Variants in EYS observed in about 807,000 individuals in gnomAD.
EYS encodes the protein protein eyes shut homolog.
A neutral mutation model predicts 282.1 loss-of-function variants in EYS; 250 were observed. The observed-to-expected ratio is 0.89, with a 90% confidence interval of 0.80 to 0.98. The LOEUF (loss-of-function observed/expected upper bound fraction) is 0.98. Ranked by LOEUF, EYS falls within the 50% of genes least tolerant of loss-of-function variation. The pLI, the probability that EYS is intolerant of heterozygous loss-of-function variation, is 0.00. For synonymous variants in EYS, 1,355 were observed against 1,282.9 expected (o/e 1.06, Z -1.20); for missense variants, 4,016 against 3,709.0 (o/e 1.08, Z -2.15).
At chr6:65,541,842 C>T (rs1768180197) in intron 2 of EYS, among the ~76,000 whole-genome samples, 1 of 152,008 alleles carries the variant, frequency 6.6e-6, no homozygotes, top group Non-Finnish European at 1.5e-5. Context: ...TGATGAATGC[C>T]TACAGAACAT....
chr6:64,299,447 C>A (rs1769153123), intron 30 of EYS, among the ~76,000 whole-genome samples: 3 of 152,208 alleles, frequency 2.0e-5, no homozygotes, highest in Admixed American at 2.0e-4. Flanking sequence ...CAGCCTAGGT[C>A]TGTGGGTCAG....
At chr6:64,804,755 G>T (rs1764371882) in intron 22 of EYS, among the ~76,000 whole-genome samples, 1 of 151,960 alleles carries the variant, frequency 6.6e-6, no homozygotes, top group South Asian at 2.1e-4. Flanking sequence ...ATATATCTGT[G>T]TATTTATATT....
At chr6:64,249,408 A>G (rs1250174944) in intron 30 of EYS, among the ~76,000 whole-genome samples, 1 of 152,164 alleles carries the variant, frequency 6.6e-6, no homozygotes, top group Admixed American at 6.6e-5. Flanking sequence ...GGGGTGGATG[A>G]TGAGAAATTA....
At chr6:65,110,131 A>G (rs963720277) in intron 12 of EYS, among the ~76,000 whole-genome samples, 4 of 152,176 alleles carry the variant, frequency 2.6e-5, no homozygotes, top group African/African-American at 9.7e-5. Flanking sequence ...TGTTTTGTGA[A>G]GAAGAGCCTC....
intron 22 of EYS, among the ~76,000 whole-genome samples, chr6:64,659,432 T>A (rs908550775): frequency 6.6e-6 from 1 of 151,870 alleles, no homozygotes; most frequent in Non-Finnish European, 1.5e-5. Context: ...CTTCAAAAAA[T>A]CAATGAATCC....
chr6:65,542,985 A>C (rs1768228545), intron 2 of EYS, among the ~76,000 whole-genome samples: 1 of 152,138 alleles, frequency 6.6e-6, no homozygotes, highest in Non-Finnish European at 1.5e-5. Context: ...CAATTATATA[A>C]TTAGAATGTG....
chr6:65,008,198 C>T (rs113473910), intron 13 of EYS, among the ~76,000 whole-genome samples: 1 of 152,058 alleles, frequency 6.6e-6, no homozygotes, highest in Non-Finnish European at 1.5e-5. Context: ...TCCACTATAA[C>T]ACGGGGAAAG....
intron 30 of EYS, among the ~76,000 whole-genome samples, chr6:64,254,362 T>A (rs1767321608): frequency 2.0e-5 from 3 of 152,110 alleles, no homozygotes. Flanking sequence ...TATTTCAGTT[T>A]GCTCTTCCAG....
At chr6:64,408,292 T>G (rs959331285) in intron 28 of EYS, among the ~76,000 whole-genome samples, 3 of 152,162 alleles carry the variant, frequency 2.0e-5, no homozygotes, top group Non-Finnish European at 4.4e-5. Context: ...ATATAAAATA[T>G]AAATGTGATT....
chr6:64,956,542 T>C, intron 14 of EYS, among the ~76,000 whole-genome samples: 1 of 152,024 alleles, frequency 6.6e-6, no homozygotes, highest in East Asian at 1.9e-4. Context: ...TCTTGAGCAA[T>C]AACCACAAGC....
rs1562013418 is a variant in EYS at position 63,760,673 on chromosome 6, TATC to T, written c.8071+1785_8071+1787del. ...ATATCTATCTATCTATCTATCTATC[TATC>T]TATCTATCTATCTATCTATCTATCT... On this transcript the variant is annotated intron_variant, in intron 41 of 42. Coordinates refer to ENST00000503581, the MANE Select transcript of EYS (RefSeq NM_001142800.2). 5.2e-3 allele frequency among the ~76,000 whole-genome samples: 786 copies of T among 151,424 alleles called. 6 individuals carry two copies. Among genetic ancestry groups the T allele is most frequent in the African/African-American group, 0.018 (753 of 41,284 alleles).
At chr6:64,545,500 A>G (rs985760625) in intron 26 of EYS, among the ~76,000 whole-genome samples, 9 of 152,200 alleles carry the variant, frequency 5.9e-5, no homozygotes, top group Non-Finnish European at 1.2e-4. Context: ...TATTCAACGT[A>G]GTGTTGGAAG....
chr6:63,865,179 A>G (rs992181356), intron 35 of EYS, among the ~76,000 whole-genome samples: 1 of 151,640 alleles, frequency 6.6e-6, no homozygotes, highest in African/African-American at 2.4e-5. Context: ...CTCTGCTAGA[A>G]CTCTCCAGAG....
At chr6:64,594,582 A>G (rs563156574) in intron 24 of EYS, among the ~76,000 whole-genome samples, 1 of 151,482 alleles carries the variant, frequency 6.6e-6, no homozygotes, top group East Asian at 2.0e-4. Context: ...TCAGCAAACT[A>G]TCGCAAGGAC....
At chr6:65,565,698 C>A (rs1039488730) in intron 2 of EYS, among the ~76,000 whole-genome samples, 2 of 152,026 alleles carry the variant, frequency 1.3e-5, no homozygotes, top group African/African-American at 4.8e-5. Context: ...GGAACCAACC[C>A]AAATGCCTAT....
intron 36 of EYS, among the ~76,000 whole-genome samples, chr6:63,845,467 G>T (rs1004193103): frequency 4.6e-5 from 7 of 151,434 alleles, no homozygotes; most frequent in Admixed American, 3.3e-4. Context: ...AAGGCATGCA[G>T]ATGTTAAAGG....
At chr6:64,315,173 A>G (rs749426817) in intron 29 of EYS, among the ~76,000 whole-genome samples, 33 of 152,356 alleles carry the variant, frequency 2.2e-4, no homozygotes, top group Admixed American at 5.9e-4. Flanking sequence ...TAGAAAATCT[A>G]GAAGAAATGA....
At chr6:64,539,275 T>G (rs1051781021) in intron 26 of EYS, among the ~76,000 whole-genome samples, 2 of 152,180 alleles carry the variant, frequency 1.3e-5, no homozygotes, top group African/African-American at 4.8e-5. Flanking sequence ...GTTTTAAAAG[T>G]AGACTCTTAG....
chr6:64,478,341 G>A (rs1481475963), intron 26 of EYS, among the ~76,000 whole-genome samples: 1 of 151,700 alleles, frequency 6.6e-6, no homozygotes, highest in Non-Finnish European at 1.5e-5. Flanking sequence ...TCAGAAACTT[G>A]AATAATGTAC....
Sources: gnomAD v4.1 joint callset for allele counts (sites outside exome capture counted in the v4.1 genomes callset) on GRCh38, gnomAD v4.1.1 for gene constraint, MANE v1.5 for transcripts, NCBI Gene and HGNC (gene_info 2026-07-23, HGNC 2026-07-21) for gene names.